STX18: variants seen among roughly 807,000 people sequenced by gnomAD.
STX18 encodes syntaxin 18, also known as syntaxin-18.
Under a neutral mutation model 50.1 loss-of-function variants are expected in STX18, and 40 were observed. The observed-to-expected ratio is 0.80, with a 90% confidence interval of 0.62 to 1.04. STX18 has a LOEUF of 1.04. Among genes scored for constraint, STX18 ranks in the 50% least tolerant of loss-of-function variants. The pLI is 0.00. For synonymous variants in STX18, 158 were observed against 151.8 expected, an observed-to-expected ratio of 1.04 and a Z score of -0.30; for missense variants, 410 against 415.8, an observed-to-expected ratio of 0.99 and a Z score of 0.12.
chr4:4,439,351 CATAT>C (rs1395675697), intron 5 of STX18, among the ~76,000 whole-genome samples: 1 of 142,966 alleles, frequency 7.0e-6, no homozygotes, highest in East Asian at 2.0e-4. Flanking sequence ...ACATATACTA[CATAT>C]ATATACCCCC....
chr4:4,507,529 AC>A, intron 1 of STX18: 1 of 770,250 alleles, frequency 1.3e-6, no homozygotes, highest in South Asian at 1.3e-5. Flanking sequence ...AAAAAGCCGC[AC>A]AAAAAATAAG....
chr4:4,512,767 T>C (rs2108894796), intron 1 of STX18, among the ~76,000 whole-genome samples: 1 of 152,324 alleles, frequency 6.6e-6, no homozygotes, highest in South Asian at 2.1e-4. Context: ...AGTGACTTCC[T>C]GGATGACACA....
chr4:4,497,123 C>T (rs1729215457), intron 1 of STX18, among the ~76,000 whole-genome samples: 1 of 152,164 alleles, frequency 6.6e-6, no homozygotes, highest in Non-Finnish European at 1.5e-5. Context: ...TGGACACTGT[C>T]CAGGCTCCCC....
At position 4,420,669 on chromosome 4, in the gene STX18, C is replaced by A. The variant is rs924555277; in HGVS notation, c.912+195G>T. 6.9e-6 allele frequency: 4 copies of A among 581,622 alleles called. No individual in the cohort carries two copies. Among genetic ancestry groups the A allele is most frequent in the African/African-American group, 1.9e-5 (1 of 53,028 alleles). 36.0% of individuals were successfully genotyped at this position (581,622 alleles called of 1,614,324 possible). A position where few individuals can be genotyped will look rare whatever the true frequency, so the allele number is the denominator to read the frequency against. On this transcript the variant is annotated intron_variant, in intron 10 of 10. Coordinates refer to ENST00000306200, the MANE Select transcript of STX18 (RefSeq NM_016930.4). This position sits in a 1 kb window ranked among gnomAD's most constrained non-coding sequence, Gnocchi z 4.3. ...TGGAGGCTGGTGAGCCACTGCCTCTCGAAAGCAGCTGGAGGTGGGCGACAG... is the reference window on the plus strand; with the variant it reads ...TGGAGGCTGGTGAGCCACTGCCTCTAGAAAGCAGCTGGAGGTGGGCGACAG...
chr4:4,467,265 T>C (rs531206186), intron 2 of STX18, among the ~76,000 whole-genome samples: 2 of 152,284 alleles, frequency 1.3e-5, no homozygotes, highest in East Asian at 1.9e-4. Flanking sequence ...AGGGCGTTTG[T>C]TTCCAAGAGG....
chr4:4,498,181 C>A (rs967530192), intron 1 of STX18, among the ~76,000 whole-genome samples: 16 of 152,154 alleles, frequency 1.1e-4, no homozygotes, highest in African/African-American at 3.6e-4. Context: ...GAAAAACTTA[C>A]AACTCATGTA....
chr4:4,503,850 TAA>T (rs1365532903), intron 1 of STX18, among the ~76,000 whole-genome samples: 1 of 152,202 alleles, frequency 6.6e-6, no homozygotes. Context: ...GAGATATATT[TAA>T]AAGAGTGATA....
intron 1 of STX18, among the ~76,000 whole-genome samples, chr4:4,499,059 C>CAA (rs952416691): frequency 6.6e-6 from 1 of 152,176 alleles, no homozygotes; most frequent in Non-Finnish European, 1.5e-5. Flanking sequence ...AGAGGAATAA[C>CAA]AATTTGAGGC....
chr4:4,485,135 C>T (rs1057167085), intron 1 of STX18, among the ~76,000 whole-genome samples: 1 of 152,226 alleles, frequency 6.6e-6, no homozygotes, highest in African/African-American at 2.4e-5. Flanking sequence ...CTGCCACTTA[C>T]TAGTGACATG....
intron 1 of STX18, among the ~76,000 whole-genome samples, chr4:4,506,876 C>T (rs144735418): frequency 5.3e-5 from 8 of 152,264 alleles, no homozygotes; most frequent in East Asian, 1.9e-4. Context: ...GGATAAAATT[C>T]GAACCACAGT....
intron 5 of STX18, among the ~76,000 whole-genome samples, chr4:4,447,318 G>A (rs1475835393): frequency 2.7e-5 from 4 of 150,092 alleles, no homozygotes; most frequent in Non-Finnish European, 3.0e-5. Flanking sequence ...GGCCGGGCGC[G>A]GTGGCTCACG....
At chr4:4,540,969 A>G (rs1410556359) in intron 1 of STX18, among the ~76,000 whole-genome samples, 1 of 152,214 alleles carries the variant, frequency 6.6e-6, no homozygotes, top group African/African-American at 2.4e-5. Flanking sequence ...AAGAGGGCAG[A>G]CAGAACTATA....
At chr4:4,422,508 G>A (rs929783452) in intron 9 of STX18, among the ~76,000 whole-genome samples, 1 of 150,526 alleles carries the variant, frequency 6.6e-6, no homozygotes, top group Non-Finnish European at 1.5e-5. Flanking sequence ...GGATGAGGTT[G>A]CAGTGAGCCA....
chr4:4,498,349 C>A lies in STX18; in HGVS notation c.169-26643G>T, dbSNP rs200852451. Among the ~76,000 whole-genome samples the A allele has an allele frequency of 3.2e-3, 489 of 152,202 alleles. 4 individuals carry two copies. Among genetic ancestry groups the A allele is most frequent in the African/African-American group, 0.011 (469 of 41,536 alleles). ...AGATCAATGATGATAATATACCCCC[C>A]AAAATAATATTACTGCCAATATATC... is the stretch of plus-strand genomic sequence containing the variant. On this transcript the variant is annotated intron_variant, in intron 1 of 10. Transcript: ENST00000306200.
chr4:4,442,962 A>C (rs1426356271), intron 5 of STX18, among the ~76,000 whole-genome samples: 3 of 152,230 alleles, frequency 2.0e-5, no homozygotes, highest in African/African-American at 7.2e-5. Flanking sequence ...ATGCATATTA[A>C]CAACTACACT....
intron 5 of STX18, among the ~76,000 whole-genome samples, chr4:4,442,538 G>A (rs1210303481): frequency 6.6e-6 from 1 of 152,044 alleles, no homozygotes; most frequent in Non-Finnish European, 1.5e-5. Flanking sequence ...AATTGCTTAC[G>A]CCTGGGAGGT....
intron 2 of STX18, 120 bp downstream of exon 2, chr4:4,471,519 G>T: frequency 1.6e-6 from 1 of 609,926 alleles, no homozygotes; most frequent in Non-Finnish European, 2.7e-6. Context: ...CTGCCAAACT[G>T]GTCTTCCTCA....
intron 1 of STX18, among the ~76,000 whole-genome samples, chr4:4,537,512 AG>A (rs1042446422): frequency 6.6e-6 from 1 of 152,202 alleles, no homozygotes; most frequent in Non-Finnish European, 1.5e-5. Context: ...GAGAGAGCAG[AG>A]GATCAAGCAG....
rs115571690 is a variant in STX18, at chr4:4,476,541, G to A, written c.169-4835C>T. Among the ~76,000 whole-genome samples, 340 of 152,220 alleles carry A rather than the reference G, an allele frequency of 2.2e-3. 1 individual carries two copies. Among genetic ancestry groups the A allele is most frequent in the African/African-American group, 8.0e-3 (331 of 41,530 alleles). On this transcript the variant is annotated intron_variant, in intron 1 of 10. Transcript: ENST00000306200. The stretch of plus-strand genomic sequence containing the variant: ...TTGGTGTTTTTTAGTTTCATTTGAT[G>A]TTAAAGTCGTTTTAATGTCCACTGT...
Sources: allele counts gnomAD v4.1 joint callset (sites outside exome capture counted in the v4.1 genomes callset), GRCh38; gene constraint gnomAD v4.1.1; non-coding constraint Gnocchi (gnomAD v3.1); transcripts MANE v1.5; gene names NCBI Gene and HGNC (gene_info 2026-07-23, HGNC 2026-07-21).